The following THAP4 variants were observed in gnomAD, a reference collection of about 807,000 sequenced individuals.
THAP4 encodes peroxynitrite isomerase THAP4.
Under a neutral mutation model 48.1 loss-of-function variants are expected in THAP4, and 18 were observed. The ratio of observed to expected loss-of-function variants is 0.37; its 90% CI spans 0.26 to 0.56. The LOEUF is 0.56. Among genes scored for constraint, THAP4 ranks in the 20% least tolerant of loss-of-function variants. The pLI is 0.78. For missense variants in THAP4, 656 were observed against 774.9 expected (o/e 0.85, Z 1.82); for synonymous variants, 345 against 324.9 (o/e 1.06, Z -0.66).
chr2:241,601,063 G>C lies in THAP4; in HGVS notation c.1614+833C>G, dbSNP rs139196398. On this transcript the variant is annotated intron_variant, in intron 5 of 5. Transcript: ENST00000407315. The surrounding 1 kb of genome is among the most constrained non-coding windows in gnomAD (Gnocchi z 4.0). ...GGAGGCTGAGGCGGGTGGATCACCT[G>C]AAGTCAGGAATTCAAGACCAGCCTG... Among the ~76,000 whole-genome samples, 677 of 152,194 alleles carry C rather than the reference G, an allele frequency of 4.4e-3. 2 individuals are homozygous for C. The highest frequency in any genetic ancestry group is 0.014 in the African/African-American group (586 of 41,518).
rs1208613344 is a variant in THAP4 at position 241,612,052 on chromosome 2, T to C, written c.1241-5579A>G. 2.0e-5 allele frequency among the ~76,000 whole-genome samples: 3 copies of C among 151,918 alleles called. No homozygotes were observed. The highest frequency in any genetic ancestry group is 2.9e-5 in the Non-Finnish European group (2 of 68,006). On this transcript the variant is annotated intron_variant, in intron 2 of 5. Transcript: ENST00000407315. This position sits in a 1 kb window ranked among gnomAD's most constrained non-coding sequence, Gnocchi z 4.1. ...CGAGTAGTTGAATGAAGCTGCTCCATGAAGAAAGACCACTAACTAAACATG... is the reference window on the plus strand; with the variant it reads ...CGAGTAGTTGAATGAAGCTGCTCCACGAAGAAAGACCACTAACTAAACATG...
intron 2 of THAP4, among the ~76,000 whole-genome samples, chr2:241,632,022 C>G (rs1311876200): frequency 3.9e-5 from 6 of 152,004 alleles, no homozygotes; most frequent in African/African-American, 1.4e-4. Flanking sequence ...ATTCTCCTGC[C>G]TCAGCCTCCT....
At chr2:241,623,968 G>A (rs1281153570) in intron 2 of THAP4, among the ~76,000 whole-genome samples, 2 of 152,102 alleles carry the variant, frequency 1.3e-5, no homozygotes, top group Middle Eastern at 3.2e-3. Context: ...ACGAACTGGA[G>A]TTCGTGCACA....
intron 5 of THAP4, among the ~76,000 whole-genome samples, chr2:241,590,438 C>A (rs1171626991): frequency 6.7e-6 from 1 of 149,752 alleles, no homozygotes; most frequent in African/African-American, 2.5e-5. Context: ...CACTAGGACA[C>A]GCAGAGCTGC....
intron 2 of THAP4, among the ~76,000 whole-genome samples, 197 bp downstream of exon 2, chr2:241,632,720 T>C (rs1163015823): frequency 6.6e-6 from 1 of 152,222 alleles, no homozygotes; most frequent in Non-Finnish European, 1.5e-5. Flanking sequence ...ATGCCTCTTG[T>C]GGGACCAGGT....
chr2:241,636,786 C>G (rs556257561), intron 1 of THAP4, among the ~76,000 whole-genome samples, 155 bp downstream of exon 1: 2 of 148,904 alleles, frequency 1.3e-5, no homozygotes, highest in East Asian at 2.0e-4. Flanking sequence ...AGACGGCGGC[C>G]GGGCCAAGGT....
intron 5 of THAP4, among the ~76,000 whole-genome samples, chr2:241,597,450 C>T (rs762787236): frequency 2.6e-5 from 4 of 152,132 alleles, no homozygotes; most frequent in Non-Finnish European, 5.9e-5. Flanking sequence ...CTTCTTTATG[C>T]AGCACATAAA....
chr2:241,602,452 C>T (rs994361453), intron 4 of THAP4, among the ~76,000 whole-genome samples: 1 of 151,892 alleles, frequency 6.6e-6, no homozygotes, highest in Admixed American at 6.6e-5. Flanking sequence ...GCAACCTCTG[C>T]CTCCCAGGTT....
chr2:241,602,358 G>GTT (rs1443927907), intron 4 of THAP4, among the ~76,000 whole-genome samples: 2 of 144,302 alleles, frequency 1.4e-5, no homozygotes, highest in East Asian at 2.0e-4. Context: ...ACGCAGGCTG[G>GTT]TTTTTTTTTT....
At position 241,587,316 on chromosome 2, in the gene THAP4, C is replaced by T. The variant is rs193125305; in HGVS notation, c.1615-2591G>A. On this transcript the variant is annotated intron_variant, in intron 5 of 5. Transcript: ENST00000407315. Reference sequence around the variant, plus strand: ...GAGCTGGGATACACTCTTCCTCCCCCGTCCTTGGACACCTCCAGGCCCCCC... The same window carrying T: ...GAGCTGGGATACACTCTTCCTCCCCTGTCCTTGGACACCTCCAGGCCCCCC... 3.9e-5 allele frequency among the ~76,000 whole-genome samples: 6 copies of T among 152,294 alleles called. No homozygotes were observed. The South Asian group carries it at 6.2e-4, about 16-fold the overall frequency.
Position 241,633,384 on chromosome 2 carries a change from C to A in THAP4, c.773G>T (p.Arg258Leu). ...TTCCACATCTTTCTTCAGCCTCTTG[C>A]GGTCAATGGGCTCTCGGGGGACAGA... ...RPSVPREPID[R>L]KRLKKDVEPS... The change falls in exon 2 of 6, where the codon CGC becomes CTC. Residue 258 changes from arginine (R) to leucine (L), a missense_variant. Around this residue, in one of 4 missense-constraint regions of THAP4, gnomAD observed 391 missense variants for 412.4 expected, o/e 0.95. Coordinates refer to ENST00000407315, the MANE Select transcript of THAP4 (RefSeq NM_015963.6). This position sits in a 1 kb window ranked among gnomAD's most constrained non-coding sequence, Gnocchi z 7.5. 1 of 1,612,982 alleles carries A rather than the reference C, an allele frequency of 6.2e-7. No homozygotes were observed. Among genetic ancestry groups the A allele is most frequent in the Non-Finnish European group, 8.5e-7 (1 of 1,179,950 alleles).
Position 241,601,832 on chromosome 2 carries a change from G to A in THAP4, c.1614+64C>T. 1 of 1,601,360 alleles carries A rather than the reference G, an allele frequency of 6.2e-7. No individual in the cohort carries two copies. Among genetic ancestry groups the A allele is most frequent in the South Asian group, 1.1e-5 (1 of 88,918 alleles). On this transcript the variant is annotated intron_variant, in intron 5 of 5. Coordinates refer to ENST00000407315, the MANE Select transcript of THAP4 (RefSeq NM_015963.6). This position sits in a 1 kb window ranked among gnomAD's most constrained non-coding sequence, Gnocchi z 4.0. Reference sequence around the variant, plus strand: ...CGCACTACCTCACGGAAGAGGAAGAGGCTGACTCCACAGACCGCTGCAAAC... The same window carrying A: ...CGCACTACCTCACGGAAGAGGAAGAAGCTGACTCCACAGACCGCTGCAAAC...
Position 241,636,943 on chromosome 2 carries a change from G to A in THAP4, c.75C>T (p.His25=), listed in dbSNP as rs1425193401. The change falls in exon 1 of 6, where the codon CAC becomes CAT. Residue 25 remains histidine (H), a splice_region_variant and synonymous_variant. Transcript: ENST00000407315. ...GKGEKRAVSF[H]RFPLKDSKRL... ...GTGGCGGCCCGGGGCCCGCGTACCT[G>A]TGGAAGGAGACGGCGCGCTTCTCGC... 7.8e-7 allele frequency: 1 copy of A among 1,288,672 alleles called. No individual in the cohort carries two copies. The highest frequency in any genetic ancestry group is 2.6e-4 in the Middle Eastern group (1 of 3,872). 79.8% of individuals were successfully genotyped at this position (1,288,672 alleles called of 1,614,324 possible).
chr2:241,614,579 T>C (rs1410249551), intron 2 of THAP4, among the ~76,000 whole-genome samples: 1 of 152,154 alleles, frequency 6.6e-6, no homozygotes, highest in African/African-American at 2.4e-5. Flanking sequence ...CATATTGAAC[T>C]CTGTAGCTTA....
At chr2:241,628,741 A>C (rs868806142) in intron 2 of THAP4, among the ~76,000 whole-genome samples, 38 of 151,066 alleles carry the variant, frequency 2.5e-4, no homozygotes, top group Middle Eastern at 3.4e-3. Flanking sequence ...CTCTACAAAA[A>C]AAAAAACAAA....
intron 2 of THAP4, among the ~76,000 whole-genome samples, chr2:241,606,882 C>A (rs2067190202): frequency 6.6e-6 from 1 of 152,218 alleles, no homozygotes; most frequent in African/African-American, 2.4e-5. Context: ...CCCCAAATAG[C>A]TCAGGGGTCC....
At chr2:241,617,394 C>CACTGAAAGCAGGCTT in intron 2 of THAP4, 1 of 1,520,628 alleles carries the variant, frequency 6.6e-7, no homozygotes, top group South Asian at 1.2e-5. Context: ...TGGCCCAAGA[C>CACTGAAAGCAGGCTT]ACTGAAAGCA....
intron 2 of THAP4, among the ~76,000 whole-genome samples, chr2:241,613,723 C>A (rs1269399059): frequency 6.6e-6 from 1 of 152,092 alleles, no homozygotes; most frequent in Non-Finnish European, 1.5e-5. Flanking sequence ...TCACTACACT[C>A]CAACCTGGGT....
In THAP4 at chr2:241,633,311, C is replaced by G; in HGVS notation, c.846G>C (p.Gln282His). 6.2e-7 allele frequency: 1 copy of G among 1,612,472 alleles called. No individual in the cohort carries two copies. Among genetic ancestry groups the G allele is most frequent in the Non-Finnish European group, 8.5e-7 (1 of 1,180,018 alleles). ...CGGTAAGTGATGAGCTGGGAGGGCT[C>G]TGGGCCAGGCCCTTGTCGGGTCCCA... is the stretch of plus-strand genomic sequence containing the variant. ...SSLGPDKGLA[Q>H]SPPSSSLTAT... Residue 282 changes from glutamine (Q) to histidine (H), a missense_variant, in exon 2 of 6, where the codon CAG becomes CAC. Around this residue, in one of 4 missense-constraint regions of THAP4, gnomAD observed 391 missense variants for 412.4 expected, o/e 0.95. Coordinates refer to ENST00000407315, the MANE Select transcript of THAP4 (RefSeq NM_015963.6). The surrounding 1 kb of genome is among the most constrained non-coding windows in gnomAD (Gnocchi z 7.5).
Sources: gnomAD v4.1 joint callset for allele counts (sites outside exome capture counted in the v4.1 genomes callset) on GRCh38, gnomAD v4.1.1 for gene constraint, gnomAD v4.1.1 regional missense constraint, Gnocchi (gnomAD v3.1) non-coding constraint, MANE v1.5 for transcripts, NCBI Gene and HGNC (gene_info 2026-07-23, HGNC 2026-07-21) for gene names.